MAP3K19: variants seen among roughly 807,000 people sequenced by gnomAD.
The protein encoded by MAP3K19 is SPS1/STE20-related protein kinase YSK4.
MAP3K19 carries 91 observed loss-of-function variants against 114.4 expected under a neutral mutation model. That is an observed-to-expected ratio of 0.80 (90% CI 0.67 to 0.95). The LOEUF is 0.95. Ranked by LOEUF, MAP3K19 falls within the 40% of genes least tolerant of loss-of-function variation. MAP3K19 has a pLI of 0.00. For synonymous variants in MAP3K19, 518 were observed against 530.5 expected, an observed-to-expected ratio of 0.98 and a Z score of 0.32; for missense variants, 1,471 against 1,573.2, an observed-to-expected ratio of 0.94 and a Z score of 1.10.
At position 134,980,973 on chromosome 2, in the gene MAP3K19, A is replaced by G. The variant is rs767331706; in HGVS notation, c.3768T>C (p.Thr1256=). ...GCTTCCCTGTAGCCATCTCAAACAC[A>G]GTACAACCAATGCTCCAGATATCTG... The part of the protein sequence containing the change: ...RKSDIWSIGC[T]VFEMATGKPP... Residue 1256 remains threonine (T), a synonymous_variant, in exon 12 of 13, where the codon ACT becomes ACC. Coordinates refer to ENST00000392915, the MANE Select transcript of MAP3K19 (RefSeq NM_025052.5). 1.9e-5 allele frequency: 31 copies of G among 1,614,070 alleles called. No homozygotes were observed. The African/African-American group carries it at 4.1e-4, about 22-fold the overall frequency.
At chr2:135,021,547 C>G (rs532502344) in intron 5 of MAP3K19, among the ~76,000 whole-genome samples, 168 bp downstream of exon 5, 14 of 152,254 alleles carry the variant, frequency 9.2e-5, no homozygotes, top group Admixed American at 2.0e-4. Context: ...TAGCTAATTA[C>G]TGCTCTGAGA....
chr2:134,968,922 G>A (rs1683644548), intron 12 of MAP3K19, among the ~76,000 whole-genome samples: 2 of 152,142 alleles, frequency 1.3e-5, no homozygotes, highest in South Asian at 2.1e-4. Flanking sequence ...GCCAGGCAGA[G>A]ACGCTCCTCA....
chr2:135,022,247 T>C (rs1574041699), intron 4 of MAP3K19, among the ~76,000 whole-genome samples: 1 of 152,180 alleles, frequency 6.6e-6, no homozygotes, highest in Non-Finnish European at 1.5e-5. Context: ...TCTAGTCACT[T>C]CATACTTAAT....
chr2:135,007,581 A>AT lies in MAP3K19; in HGVS notation c.139-2051dup, dbSNP rs971563474. Among the ~76,000 whole-genome samples, 14 of 143,488 alleles carry AT rather than the reference A, an allele frequency of 9.8e-5. No homozygotes were observed. In the South Asian group the frequency reaches 1.1e-3, roughly 11 times the overall value. 94.1% of individuals were successfully genotyped at this position (143,488 alleles called of 152,430 possible). A position where few individuals can be genotyped will look rare whatever the true frequency, so the allele number is the denominator to read the frequency against. On this transcript the variant is annotated intron_variant, in intron 5 of 12. Coordinates refer to ENST00000392915, the MANE Select transcript of MAP3K19 (RefSeq NM_025052.5). ...GGTTGATTATTCATTCTTTCTAGCTATTTTTTTTTGTACCCATTAACCATC... is the reference window on the plus strand; with the variant it reads ...GGTTGATTATTCATTCTTTCTAGCTATTTTTTTTTTGTACCCATTAACCATC...
intron 12 of MAP3K19, among the ~76,000 whole-genome samples, chr2:134,968,677 G>A (rs1334325911): frequency 5.3e-5 from 8 of 151,308 alleles, no homozygotes; most frequent in African/African-American, 1.5e-4. Context: ...AGACGGGGTC[G>A]CGGCCGGGCA....
At chr2:134,984,717 C>A (rs1684968976) in intron 10 of MAP3K19, among the ~76,000 whole-genome samples, 1 of 152,156 alleles carries the variant, frequency 6.6e-6, no homozygotes, top group Admixed American at 6.5e-5. Flanking sequence ...CTTTGGGAGG[C>A]CGAGGAAGGT....
chr2:135,023,368 C>A, intron 4 of MAP3K19: 1 of 504,214 alleles, frequency 2.0e-6, no homozygotes, highest in Non-Finnish European at 4.1e-6. Context: ...CAGCCCTCTG[C>A]AATTTTCTCA....
Position 134,986,703 on chromosome 2 carries a change from C to G in MAP3K19, c.2169G>C (p.Met723Ile). Residue 723 changes from methionine (M) to isoleucine (I), a missense_variant, in exon 10 of 13, where the codon ATG (methionine) becomes ATC (isoleucine). Transcript: ENST00000392915. ...RTRLSQKKTHMKCPKTSFGIK... is the reference protein window; with the variant it reads ...RTRLSQKKTHIKCPKTSFGIK... ...TGCCAAATGAAGTCTTTGGGCATTT[C>G]ATATGTGTTTTTTTCTGAGAAAGTC... 6.2e-7 allele frequency: 1 copy of G among 1,614,134 alleles called. No individual in the cohort carries two copies. Among genetic ancestry groups the G allele is most frequent in the Non-Finnish European group, 8.5e-7 (1 of 1,180,010 alleles).
chr2:134,984,280 G>C (rs1352806392), intron 10 of MAP3K19, among the ~76,000 whole-genome samples: 1 of 152,048 alleles, frequency 6.6e-6, no homozygotes, highest in African/African-American at 2.4e-5. Flanking sequence ...AACATACACA[G>C]AGCTGGACAC....
At chr2:135,046,571 C>T (rs1319805669) in intron 1 of MAP3K19, among the ~76,000 whole-genome samples, 1 of 152,112 alleles carries the variant, frequency 6.6e-6, no homozygotes, top group Non-Finnish European at 1.5e-5. Flanking sequence ...CCACCATGCC[C>T]GCCCCATTTA....
At chr2:135,000,098 G>T in intron 6 of MAP3K19, 83 bp from the exon 7 acceptor site, 1 of 907,840 alleles carries the variant, frequency 1.1e-6, no homozygotes, top group Non-Finnish European at 1.8e-6. Context: ...TTTCTGTTTG[G>T]CTAATCTCTT....
At position 134,980,844 on chromosome 2, in the gene MAP3K19, G is replaced by C. The variant is rs1442630516; in HGVS notation, c.3897C>G (p.Asp1299Glu). The change falls in exon 12 of 13, where the codon GAC becomes GAG. Residue 1299 changes from aspartate to glutamate, a missense_variant. Asp to Glu is a conservative substitution (Grantham distance 45). Transcript: ENST00000392915. ...LPDHFSENAA[D>E]FVRMCLTRDQ... Reference sequence around the variant, plus strand: ...ACCTGGTCAGGCACATGCGCACAAAGTCTGCTGCATTTTCTGAGAAGTGGT... The same window carrying C: ...ACCTGGTCAGGCACATGCGCACAAACTCTGCTGCATTTTCTGAGAAGTGGT... The C allele has an allele frequency of 6.2e-7, 1 of 1,613,874 alleles. No homozygotes were observed. Among genetic ancestry groups the C allele is most frequent in the East Asian group, 2.2e-5 (1 of 44,888 alleles).
chr2:135,005,395 T>C (rs748592226), intron 6 of MAP3K19, 40 bp downstream of exon 6: 10 of 1,423,146 alleles, frequency 7.0e-6, no homozygotes, highest in Non-Finnish European at 9.9e-6. Flanking sequence ...CATATGATAA[T>C]GTTATCTTTG....
chr2:135,034,920 C>T (rs1688494772), intron 2 of MAP3K19, among the ~76,000 whole-genome samples: 1 of 147,238 alleles, frequency 6.8e-6, no homozygotes, highest in African/African-American at 2.5e-5. Flanking sequence ...AACCTATTAT[C>T]TTTAGCCTAA....
chr2:135,039,758 C>CT (rs1688610421), intron 2 of MAP3K19, among the ~76,000 whole-genome samples: 1 of 152,200 alleles, frequency 6.6e-6, no homozygotes, highest in South Asian at 2.1e-4. Flanking sequence ...ATTGTTGCCA[C>CT]TTTTACCTGA....
chr2:135,009,453 C>T (rs984112572), intron 5 of MAP3K19, among the ~76,000 whole-genome samples: 1 of 125,384 alleles, frequency 8.0e-6, no homozygotes, highest in African/African-American at 3.0e-5. Context: ...CTCTAAGAGA[C>T]CTCAAAACAC....
chr2:135,031,752 G>A (rs1359689149), intron 2 of MAP3K19, among the ~76,000 whole-genome samples: 1 of 152,194 alleles, frequency 6.6e-6, no homozygotes, highest in Non-Finnish European at 1.5e-5. Flanking sequence ...GAGATTTAGT[G>A]GCTGAGGGCA....
intron 5 of MAP3K19, among the ~76,000 whole-genome samples, chr2:135,011,009 C>T (rs1273449177): frequency 3.3e-5 from 5 of 152,156 alleles, no homozygotes; most frequent in Non-Finnish European, 7.3e-5. Flanking sequence ...CTCTCTGGAG[C>T]TGTCCTACAT....
chr2:134,981,168 A>G lies in MAP3K19; in HGVS notation c.3573T>C (p.Asn1191=), dbSNP rs1393682554. 7 of 1,614,144 alleles carry G rather than the reference A, an allele frequency of 4.3e-6. No homozygotes were observed. Among genetic ancestry groups the G allele is most frequent in the South Asian group, 1.1e-5 (1 of 91,086 alleles). The stretch of plus-strand genomic sequence containing the variant: ...TTATTCCAGTTGGCATGAGCATAAC[A>G]TTATTTCCTTTGATATCGCGATGTA... ...CVVHRDIKGN[N]VMLMPTGIIK... is the part of the protein sequence containing the mutation. The change falls in exon 12 of 13, where the codon AAT becomes AAC. Residue 1191 remains asparagine (N), a synonymous_variant. Coordinates refer to ENST00000392915, the MANE Select transcript of MAP3K19 (RefSeq NM_025052.5).
Sources: gnomAD v4.1 joint callset for allele counts (sites outside exome capture counted in the v4.1 genomes callset) on GRCh38, gnomAD v4.1.1 for gene constraint, MANE v1.5 for transcripts, NCBI Gene and HGNC (gene_info 2026-07-23, HGNC 2026-07-21) for gene names.